BTRC: variants seen among roughly 807,000 people sequenced by gnomAD.
The protein encoded by BTRC is F-box/WD repeat-containing protein 1A.
Under a neutral mutation model 85.5 loss-of-function variants are expected in BTRC, and 42 were observed. That is an observed-to-expected ratio of 0.49 (90% CI 0.38 to 0.64). BTRC has a LOEUF of 0.64. Among genes scored for constraint, BTRC ranks in the 30% least tolerant of loss-of-function variants. The pLI is 0.00. For synonymous variants in BTRC, 255 were observed against 263.3 expected (o/e 0.97, Z 0.30); for missense variants, 594 against 743.5 (o/e 0.80, Z 2.34).
chr10:101,386,576 A>C (rs1291202885), intron 1 of BTRC, among the ~76,000 whole-genome samples: 1 of 152,244 alleles, frequency 6.6e-6, no homozygotes, highest in Non-Finnish European at 1.5e-5. Context: ...ACTTAGAAAA[A>C]GAGTTTTTAT....
intron 1 of BTRC, among the ~76,000 whole-genome samples, chr10:101,361,543 A>G (rs1191548703): frequency 6.6e-6 from 1 of 152,262 alleles, no homozygotes; most frequent in Non-Finnish European, 1.5e-5. Flanking sequence ...GTAATAAGTC[A>G]ATCTCAGCAT....
chr10:101,515,750 A>T (rs2062015194), intron 4 of BTRC, among the ~76,000 whole-genome samples: 1 of 152,160 alleles, frequency 6.6e-6, no homozygotes, highest in African/African-American at 2.4e-5. Context: ...TGACCTCGTG[A>T]TCCGCCCATC....
intron 4 of BTRC, among the ~76,000 whole-genome samples, chr10:101,483,153 A>G (rs1945886141): frequency 1.3e-5 from 2 of 152,204 alleles, no homozygotes; most frequent in Non-Finnish European, 2.9e-5. Flanking sequence ...CAGAAATATC[A>G]TAGTCTTATG....
At chr10:101,513,150 G>A (rs2061978269) in intron 4 of BTRC, among the ~76,000 whole-genome samples, 1 of 152,146 alleles carries the variant, frequency 6.6e-6, no homozygotes, top group South Asian at 2.1e-4. Context: ...AGAAAAATCT[G>A]TATTGGAGAA....
At chr10:101,389,138 T>G (rs1223939496) in intron 1 of BTRC, among the ~76,000 whole-genome samples, 1 of 141,418 alleles carries the variant, frequency 7.1e-6, no homozygotes, top group African/African-American at 2.6e-5. Context: ...TTTTTTTTTT[T>G]TTTTTTTTTT....
chr10:101,509,490 G>T (rs1233556660), intron 4 of BTRC, among the ~76,000 whole-genome samples: 5 of 148,902 alleles, frequency 3.4e-5, no homozygotes, highest in African/African-American at 1.2e-4. Flanking sequence ...TCCTGACCTC[G>T]TGATCCGCCC....
chr10:101,454,973 G>T lies in BTRC; in HGVS notation c.157-7008G>T, dbSNP rs150253386. The stretch of plus-strand genomic sequence containing the variant: ...ATATTTGATTTCATAGAAATAAAGA[G>T]CCACTAAAAATATTTTAGGGAAAGA... On this transcript the variant is annotated intron_variant, in intron 2 of 14. Transcript: ENST00000370187. Among the ~76,000 whole-genome samples, 626 of 152,108 alleles carry T rather than the reference G, an allele frequency of 4.1e-3. 8 individuals are homozygous for T. Among genetic ancestry groups the T allele is most frequent in the African/African-American group, 0.014 (598 of 41,494 alleles).
rs1230837462 is a variant in BTRC at position 101,534,762 on chromosome 10, C to G, written c.1199C>G (p.Ser400Cys). 2 of 1,614,172 alleles carry G rather than the reference C, an allele frequency of 1.2e-6. No individual in the cohort carries two copies. The highest frequency in any genetic ancestry group is 1.7e-6 in the Non-Finnish European group (2 of 1,180,034). Residue 400 changes from serine (S) to cysteine (C), a missense_variant, in exon 10 of 15, where the codon TCC becomes TGC. Ser to Cys is a moderately radical substitution (Grantham distance 112). Coordinates refer to ENST00000370187, the MANE Select transcript of BTRC (RefSeq NM_033637.4). Reference protein sequence around the residue: ...RFNNGMMVTCSKDRSIAVWDM... With the variant: ...RFNNGMMVTCCKDRSIAVWDM... ...AATAATGGCATGATGGTGACCTGCT[C>G]CAAAGATCGTTCCATTGCTGTATGG...
At chr10:101,533,636 G>A (rs1265357354) in intron 9 of BTRC, among the ~76,000 whole-genome samples, 1 of 152,088 alleles carries the variant, frequency 6.6e-6, no homozygotes, top group Non-Finnish European at 1.5e-5. Context: ...GCACTGCTGG[G>A]AACCTCTGTT....
chr10:101,368,190 T>C (rs1015866108), intron 1 of BTRC, among the ~76,000 whole-genome samples: 2 of 152,132 alleles, frequency 1.3e-5, no homozygotes, highest in African/African-American at 4.8e-5. Flanking sequence ...CCAGAGTTGG[T>C]AGTTTAAGAG....
chr10:101,524,604 C>T (rs1375789967), intron 5 of BTRC, among the ~76,000 whole-genome samples: 1 of 152,052 alleles, frequency 6.6e-6, no homozygotes, highest in African/African-American at 2.4e-5. Flanking sequence ...CTTCCAAAGA[C>T]TTATTTATAG....
At chr10:101,356,071 T>G (rs932269864) in intron 1 of BTRC, among the ~76,000 whole-genome samples, 3 of 152,152 alleles carry the variant, frequency 2.0e-5, no homozygotes, top group African/African-American at 7.2e-5. Flanking sequence ...CAGGCTGGAG[T>G]GCAGTGGTGC....
chr10:101,400,554 C>T (rs1272644067), intron 1 of BTRC, among the ~76,000 whole-genome samples: 1 of 152,122 alleles, frequency 6.6e-6, no homozygotes, highest in Non-Finnish European at 1.5e-5. Flanking sequence ...GGATTTGCCT[C>T]CTCTCCCTAT....
chr10:101,466,557 G>T (rs1486689220), intron 3 of BTRC, among the ~76,000 whole-genome samples: 1 of 152,168 alleles, frequency 6.6e-6, no homozygotes, highest in East Asian at 1.9e-4. Context: ...ATTGATTAGG[G>T]AGGGAGCAGT....
At position 101,550,701 on chromosome 10, in the gene BTRC, G is replaced by A. The variant is rs1300008331; in HGVS notation, c.1659G>A (p.Glu553=). ...CCTTTTTGTTTCTACTTCTTTAGGA[G>A]CATTCCGGAAGAGTTTTTCGACTAC... is the stretch of plus-strand genomic sequence containing the variant. ...AGTLCLRTLV[E]HSGRVFRLQF... The change falls in exon 14 of 15, where the codon GAG becomes GAA. Residue 553 remains glutamate, a splice_region_variant and synonymous_variant. Coordinates refer to ENST00000370187, the MANE Select transcript of BTRC (RefSeq NM_033637.4). The A allele has an allele frequency of 1.2e-6, 2 of 1,610,874 alleles. No individual in the cohort carries two copies. Among genetic ancestry groups the A allele is most frequent in the East Asian group, 2.2e-5 (1 of 44,780 alleles).
At chr10:101,492,566 ATC>A (rs1486705710) in intron 4 of BTRC, among the ~76,000 whole-genome samples, 1 of 152,192 alleles carries the variant, frequency 6.6e-6, no homozygotes, top group Non-Finnish European at 1.5e-5. Flanking sequence ...TTTTTAAAAA[ATC>A]TGTTTCCATG....
chr10:101,533,202 T>C lies in BTRC; in HGVS notation c.1097+132T>C, dbSNP rs1478675271. 3 of 579,846 alleles carry C rather than the reference T, an allele frequency of 5.2e-6. No homozygotes were observed. The East Asian group carries it at 8.2e-5, about 16-fold the overall frequency. The allele number at this position is 579,846 out of a possible 1,614,324, so 35.9% of individuals were successfully genotyped here. A position where few individuals can be genotyped will look rare whatever the true frequency, so the allele number is the denominator to read the frequency against. ...AGAATAAACCACCAGGTCCCCATCA[T>C]TTCTGTCAGTCTAGAACTAGAAAAC... On this transcript the variant is annotated intron_variant, in intron 9 of 14. Coordinates refer to ENST00000370187, the MANE Select transcript of BTRC (RefSeq NM_033637.4).
intron 3 of BTRC, among the ~76,000 whole-genome samples, chr10:101,475,283 C>T (rs1406298481): frequency 2.6e-5 from 4 of 152,108 alleles, no homozygotes; most frequent in Non-Finnish European, 4.4e-5. Context: ...CTCACGCCTG[C>T]AATCCCAGCA....
chr10:101,510,079 A>G (rs1946661091), intron 4 of BTRC, among the ~76,000 whole-genome samples: 1 of 152,068 alleles, frequency 6.6e-6, no homozygotes, highest in African/African-American at 2.4e-5. Flanking sequence ...GGTTGCAGTG[A>G]GCCGAGATTG....
Sources: gnomAD v4.1 joint callset for allele counts (sites outside exome capture counted in the v4.1 genomes callset) on GRCh38, gnomAD v4.1.1 for gene constraint, MANE v1.5 for transcripts, NCBI Gene and HGNC (gene_info 2026-07-23, HGNC 2026-07-21) for gene names.